Variants in PXN observed in about 807,000 individuals in gnomAD.
The protein encoded by PXN is testicular tissue protein Li 134.
In PXN, 61 loss-of-function variants were observed where a neutral mutation model predicts 103.6. The observed-to-expected ratio is 0.59, with a 90% CI of 0.48 to 0.73. The LOEUF is 0.73. Ranked by LOEUF, PXN falls within the 30% of genes least tolerant of loss-of-function variation. PXN has a pLI of 0.00. For missense variants in PXN, 1,274 were observed against 1,460.3 expected (o/e 0.87, Z 2.08); for synonymous variants, 562 against 607.8 (o/e 0.92, Z 1.11).
At chr12:120,263,704 G>C (rs1894233780) in intron 1 of PXN, among the ~76,000 whole-genome samples, 1 of 152,168 alleles carries the variant, frequency 6.6e-6, no homozygotes, top group African/African-American at 2.4e-5. Context: ...TCGAGGTAGA[G>C]GGAAGTACTC....
intron 1 of PXN, among the ~76,000 whole-genome samples, chr12:120,251,672 C>T (rs1367488812): frequency 6.6e-6 from 1 of 151,392 alleles, no homozygotes; most frequent in Non-Finnish European, 1.5e-5. Context: ...CAAAAATTAG[C>T]TGGGCGTGGT....
At position 120,212,261 on chromosome 12, in the gene PXN, T is replaced by C; in HGVS notation, c.*53A>G. On this transcript the variant is annotated 3_prime_UTR_variant, in exon 15 of 15. Transcript: ENST00000637617. This position sits in a 1 kb window ranked among gnomAD's most constrained non-coding sequence, Gnocchi z 7.2. ...CCCGGGTGAAGTCTCTAGGTCACAG[T>C]CGCAGTTGGGGATGCTGGCTGGGGA... The C allele has an allele frequency of 6.3e-7, 1 of 1,585,758 alleles. No individual in the cohort carries two copies. Among genetic ancestry groups the C allele is most frequent in the Non-Finnish European group, 8.6e-7 (1 of 1,167,592 alleles).
At chr12:120,235,334 G>T (rs993181522) in intron 1 of PXN, among the ~76,000 whole-genome samples, 5 of 152,144 alleles carry the variant, frequency 3.3e-5, no homozygotes, top group Non-Finnish European at 5.9e-5. Context: ...CAGCTCAGGA[G>T]GGGGTGAGGA....
rs1380668449 is a variant in PXN, at chr12:120,215,076, A to G, written c.2574+27T>C. The G allele has an allele frequency of 1.3e-5, 20 of 1,594,820 alleles. No individual in the cohort carries two copies. Among genetic ancestry groups the G allele is most frequent in the Non-Finnish European group, 1.6e-5 (19 of 1,169,336 alleles). On this transcript the variant is annotated intron_variant, in intron 11 of 14. Transcript: ENST00000637617. This position sits in a 1 kb window ranked among gnomAD's most constrained non-coding sequence, Gnocchi z 4.9. ...CCACCCCTGCAGGAGTCCACTGGCC[A>G]CACCCCTGCCCACTCCCCCTCATCA...
chr12:120,220,081 G>T lies in PXN; in HGVS notation c.842C>A (p.Ser281Tyr). 8.1e-7 allele frequency: 1 copy of T among 1,239,052 alleles called. No homozygotes were observed. The highest frequency in any genetic ancestry group is 1.1e-6 in the Non-Finnish European group (1 of 896,546). 76.8% of individuals were successfully genotyped at this position (1,239,052 alleles called of 1,614,324 possible). Residue 281 changes from serine to tyrosine, a missense_variant, in exon 7 of 15, where the codon TCC (serine) becomes TAC (tyrosine). Around this residue, in one of 2 missense-constraint regions of PXN, gnomAD observed 1,178 missense variants for 1,309.0 expected, o/e 0.90. Transcript: ENST00000637617. This position sits in a 1 kb window ranked among gnomAD's most constrained non-coding sequence, Gnocchi z 6.1. ...CCCCGGGGCACTCAGAGCCACAGTG[G>T]AGGAGCTGGTCTGGAGAAGAGAGAA... is the stretch of plus-strand genomic sequence containing the variant. Reference protein sequence around the residue: ...ASLSDFKTSSSTVALSAPGLS... With the variant: ...ASLSDFKTSSYTVALSAPGLS...
intron 1 of PXN, among the ~76,000 whole-genome samples, chr12:120,237,078 G>C (rs984223854): frequency 6.6e-6 from 1 of 151,824 alleles, no homozygotes; most frequent in South Asian, 2.1e-4. Context: ...CTAGGATTAC[G>C]GGCATGAGCC....
chr12:120,255,553 G>A (rs1892863810), intron 1 of PXN, among the ~76,000 whole-genome samples: 1 of 151,868 alleles, frequency 6.6e-6, no homozygotes, highest in African/African-American at 2.4e-5. Flanking sequence ...AATTAGCTGG[G>A]CATGGTGGCG....
intron 1 of PXN, among the ~76,000 whole-genome samples, chr12:120,253,251 T>C (rs1276192262): frequency 6.6e-6 from 1 of 152,024 alleles, no homozygotes; most frequent in Non-Finnish European, 1.5e-5. Flanking sequence ...GGCAGGTGGA[T>C]CACCTGAGGT....
intron 1 of PXN, among the ~76,000 whole-genome samples, chr12:120,231,815 C>T (rs899784874): frequency 4.6e-5 from 7 of 152,190 alleles, no homozygotes; most frequent in African/African-American, 1.7e-4. Flanking sequence ...GGCAGAAGAC[C>T]AACTGTGCCA....
chr12:120,232,910 C>A (rs1888339316), intron 1 of PXN, among the ~76,000 whole-genome samples: 1 of 152,166 alleles, frequency 6.6e-6, no homozygotes, highest in Admixed American at 6.5e-5. Flanking sequence ...AGGTCATTTC[C>A]CGAAGTCAGC....
rs1881774175 is a variant in PXN at position 120,214,415 on chromosome 12, T to TAC, written c.2749-200_2749-199dup. 6.6e-6 allele frequency among the ~76,000 whole-genome samples: 1 copy of TAC among 152,182 alleles called. No homozygotes were observed. The highest frequency in any genetic ancestry group is 6.5e-5 in the Admixed American group (1 of 15,270). On this transcript the variant is annotated intron_variant, in intron 12 of 14. Coordinates refer to ENST00000637617, the MANE Select transcript of PXN (RefSeq NM_001385981.1). The surrounding 1 kb of genome is among the most constrained non-coding windows in gnomAD (Gnocchi z 5.0). ...CTCAGGATGGGACAAGCCAGACACA[T>TAC]ACCCTCTCCTCTACTCCTCACCCCA... is the stretch of plus-strand genomic sequence containing the variant.
chr12:120,243,628 G>A (rs1194381771), intron 1 of PXN, among the ~76,000 whole-genome samples: 4 of 152,188 alleles, frequency 2.6e-5, no homozygotes, highest in Non-Finnish European at 4.4e-5. Context: ...GGTGTTTGAA[G>A]CTGCAAGTGA....
chr12:120,217,594 G>C lies in PXN; in HGVS notation c.1717-478C>G, dbSNP rs530761147. On this transcript the variant is annotated intron_variant, in intron 7 of 14. Transcript: ENST00000637617. This position sits in a 1 kb window ranked among gnomAD's most constrained non-coding sequence, Gnocchi z 4.1. ...GTTTCCTTCCAGGAACTTTTTTTTG[G>C]GGGGGGACAGAGTCTCGCTCTGTCG... Among the ~76,000 whole-genome samples, 47 of 144,744 alleles carry C rather than the reference G, an allele frequency of 3.2e-4. 1 individual carries two copies. The highest frequency in any genetic ancestry group is 1.2e-3 in the African/African-American group (42 of 35,430). 95.0% of individuals were successfully genotyped at this position (144,744 alleles called of 152,430 possible). A position where few individuals can be genotyped will look rare whatever the true frequency, so the allele number is the denominator to read the frequency against.
chr12:120,241,698 G>A (rs1165775003), intron 1 of PXN, among the ~76,000 whole-genome samples: 1 of 152,218 alleles, frequency 6.6e-6, no homozygotes, highest in African/African-American at 2.4e-5. Context: ...CTGGGAAAGT[G>A]CCCAGACAGA....
At chr12:120,259,793 C>G (rs1893579165) in intron 1 of PXN, among the ~76,000 whole-genome samples, 1 of 152,192 alleles carries the variant, frequency 6.6e-6, no homozygotes. Flanking sequence ...AGTCTCAGGG[C>G]CCATCCCAGG....
Position 120,214,824 on chromosome 12 carries a change from C to T in PXN, c.2748+1G>A, listed in dbSNP as rs1189209499. On this transcript the variant is annotated splice_donor_variant, in intron 12 of 14. Transcript: ENST00000637617. LOFTEE classifies it high-confidence loss of function. This position sits in a 1 kb window ranked among gnomAD's most constrained non-coding sequence, Gnocchi z 5.0. ...GGCGCGGTGCCGGATGAGGAACTCA[C>T]ATCCAGGATGGGGCCGTTGCAGTAG... The T allele has an allele frequency of 2.5e-6, 4 of 1,613,704 alleles. No homozygotes were observed. Among genetic ancestry groups the T allele is most frequent in the Non-Finnish European group, 3.4e-6 (4 of 1,179,748 alleles).
rs114693885 is a variant in PXN at position 120,262,779 on chromosome 12, C to T, written c.13+2838G>A. ...TGTGGGAACTCTGTCCAGGAAACTC[C>T]GGCCAGAACTTGAACAGAGCGAACT... is the stretch of plus-strand genomic sequence containing the variant. On this transcript the variant is annotated intron_variant, in intron 1 of 14. Transcript: ENST00000637617. Among the ~76,000 whole-genome samples the T allele has an allele frequency of 1.6e-3, 237 of 152,236 alleles. 2 individuals carry two copies. The highest frequency in any genetic ancestry group is 5.3e-3 in the African/African-American group (221 of 41,528).
Position 120,217,015 on chromosome 12 carries a change from C to G in PXN, c.1818G>C (p.Arg606Ser). The G allele has an allele frequency of 6.3e-7, 1 of 1,577,138 alleles. No homozygotes were observed. Among genetic ancestry groups the G allele is most frequent in the Non-Finnish European group, 8.5e-7 (1 of 1,169,950 alleles). ...RRRLDPATLSRTPSQEQLIAE... is the reference protein window; with the variant it reads ...RRRLDPATLSSTPSQEQLIAE... The stretch of plus-strand genomic sequence containing the variant: ...CGATGAGCTGTTCCTGGGATGGGGT[C>G]CTGCTCAAGGTGGCAGGGTCCAGCC... Residue 606 changes from arginine to serine, a missense_variant, in exon 8 of 15, where the codon AGG becomes AGC. Physicochemically the swap from Arg to Ser is moderately radical, Grantham distance 110 (BLOSUM62 -1). Coordinates refer to ENST00000637617, the MANE Select transcript of PXN (RefSeq NM_001385981.1). This position sits in a 1 kb window ranked among gnomAD's most constrained non-coding sequence, Gnocchi z 4.1.
rs750626974 is a variant in PXN at position 120,215,390 on chromosome 12, G to A, written c.2404-117C>T. ...ACAGATGAGCTGATGGAGACAAGAA[G>A]TACAACCTCCTCCAGGGGCCAGGAG... On this transcript the variant is annotated intron_variant, in intron 10 of 14. Coordinates refer to ENST00000637617, the MANE Select transcript of PXN (RefSeq NM_001385981.1). The surrounding 1 kb of genome is among the most constrained non-coding windows in gnomAD (Gnocchi z 4.9). 33 of 1,460,156 alleles carry A rather than the reference G, an allele frequency of 2.3e-5. No individual in the cohort carries two copies. The highest frequency in any genetic ancestry group is 2.7e-5 in the Non-Finnish European group (30 of 1,106,456). 90.4% of individuals were successfully genotyped at this position (1,460,156 alleles called of 1,614,324 possible).
Sources: allele counts gnomAD v4.1 joint callset (sites outside exome capture counted in the v4.1 genomes callset), GRCh38; gene constraint gnomAD v4.1.1; regional missense constraint gnomAD v4.1.1; non-coding constraint Gnocchi (gnomAD v3.1); transcripts MANE v1.5; gene names NCBI Gene and HGNC (gene_info 2026-07-23, HGNC 2026-07-21).